The following SNIP1 variants were observed in gnomAD, a reference collection of about 807,000 sequenced individuals.
SNIP1 encodes the protein Smad nuclear interacting protein 1.
Under a neutral mutation model 37.4 loss-of-function variants are expected in SNIP1, and 23 were observed. The ratio of observed to expected loss-of-function variants is 0.61; its 90% CI spans 0.44 to 0.87. The LOEUF (loss-of-function observed/expected upper bound fraction) is 0.87. Among genes scored for constraint, SNIP1 ranks in the 40% least tolerant of loss-of-function variants. SNIP1 has a pLI of 0.00. For missense variants in SNIP1, 459 were observed against 540.4 expected (o/e 0.85, Z 1.49); for synonymous variants, 174 against 200.0 (o/e 0.87, Z 1.10).
chr1:37,546,376 TATA>T (rs1175585114), intron 2 of SNIP1, among the ~76,000 whole-genome samples: 1 of 152,160 alleles, frequency 6.6e-6, no homozygotes, highest in Non-Finnish European at 1.5e-5. Flanking sequence ...TAAGAGTCAT[TATA>T]ATAAGCCATA....
At chr1:37,541,066 A>G in intron 2 of SNIP1, 1 of 247,124 alleles carries the variant, frequency 4.0e-6, no homozygotes, top group Non-Finnish European at 7.8e-6. Flanking sequence ...TTCAGAACAA[A>G]GGTAACTATG....
Position 37,540,537 on chromosome 1 carries a change from A to G in SNIP1, c.546T>C (p.Tyr182=), listed in dbSNP as rs1204354779. The change falls in exon 3 of 4, where the codon TAT becomes TAC. Residue 182 remains tyrosine, a synonymous_variant. Coordinates refer to ENST00000296215, the MANE Select transcript of SNIP1 (RefSeq NM_024700.4). This position sits in a 1 kb window ranked among gnomAD's most constrained non-coding sequence, Gnocchi z 5.6. ...LQAQEEEREF[Y]NARRREHRQR... ...GGCGATGCTCCCGTCGCCTGGCATT[A>G]TAAAACTCCCGCTCTTCTTCCTGAG... 1.4e-5 allele frequency: 22 copies of G among 1,614,000 alleles called. No homozygotes were observed. The highest frequency in any genetic ancestry group is 1.7e-5 in the Non-Finnish European group (20 of 1,180,036).
At chr1:37,546,713 T>A (rs987196970) in intron 2 of SNIP1, among the ~76,000 whole-genome samples, 5 of 152,092 alleles carry the variant, frequency 3.3e-5, no homozygotes, top group Admixed American at 6.6e-5. Context: ...GTATTGTTTT[T>A]AAAAATTCAG....
chr1:37,548,921 A>G (rs909164096), intron 2 of SNIP1: 1 of 152,458 alleles, frequency 6.6e-6, no homozygotes, highest in Non-Finnish European at 1.5e-5. Flanking sequence ...CTGTAAGTCC[A>G]TTAAACCTCT....
intron 3 of SNIP1, among the ~76,000 whole-genome samples, chr1:37,538,393 C>T (rs529003074): frequency 2.7e-5 from 4 of 150,904 alleles, no homozygotes; most frequent in Admixed American, 6.7e-5. Context: ...CCTGTGGAGC[C>T]AGCTACTTGG....
At chr1:37,549,154 A>G (rs1441893114) in intron 2 of SNIP1, among the ~76,000 whole-genome samples, 7 of 152,170 alleles carry the variant, frequency 4.6e-5, no homozygotes, top group African/African-American at 1.4e-4. Flanking sequence ...ATGAAGATAA[A>G]CACACAAAAA....
intron 2 of SNIP1, among the ~76,000 whole-genome samples, chr1:37,552,069 T>C (rs1035903955): frequency 6.6e-6 from 1 of 152,210 alleles, no homozygotes; most frequent in African/African-American, 2.4e-5. Flanking sequence ...TACTGAGAGA[T>C]GCAACCTGAA....
intron 2 of SNIP1, among the ~76,000 whole-genome samples, chr1:37,547,027 T>C (rs1403697656): frequency 6.6e-6 from 1 of 152,222 alleles, no homozygotes; most frequent in Non-Finnish European, 1.5e-5. Flanking sequence ...ATTCAGTCCT[T>C]TGTTGGTTGT....
intron 2 of SNIP1, chr1:37,545,441 T>G (rs1023384485): frequency 2.5e-5 from 3 of 120,938 alleles, no homozygotes; most frequent in Non-Finnish European, 4.7e-5. Flanking sequence ...TTCCTTCAAA[T>G]AAAGAAATTT....
rs1056361210 is a variant in SNIP1, at chr1:37,536,510, G to A, written c.*1238C>T. ...GACCTATGAACACAAGGTCCTCTAC[G>A]CTAGGAAAGCATTACTCTTTGAAAT... On this transcript the variant is annotated 3_prime_UTR_variant, in exon 4 of 4. Transcript: ENST00000296215. The A allele has an allele frequency of 2.0e-5, 3 of 152,402 alleles. No individual in the cohort carries two copies. The highest frequency in any genetic ancestry group is 4.4e-5 in the Non-Finnish European group (3 of 68,034). The allele number at this position is 152,402 out of a possible 1,614,324, so 9.4% of individuals were successfully genotyped here.
chr1:37,545,649 CATA>C (rs1243121160), intron 2 of SNIP1, among the ~76,000 whole-genome samples: 2 of 151,590 alleles, frequency 1.3e-5, no homozygotes, highest in African/African-American at 4.9e-5. Context: ...TTAAAAAATA[CATA>C]ATAATAATAA....
intron 1 of SNIP1, 115 bp downstream of exon 1, chr1:37,553,890 AG>A: frequency 9.6e-7 from 1 of 1,040,844 alleles, no homozygotes. Flanking sequence ...ACAGCCCCTC[AG>A]GATTAAGTCC....
Position 37,534,901 on chromosome 1 carries a change from TGAA to T in SNIP1, c.*2844_*2846del, listed in dbSNP as rs2148110026. 6.6e-6 allele frequency: 1 copy of T among 152,122 alleles called. No homozygotes were observed. The highest frequency in any genetic ancestry group is 2.4e-5 in the African/African-American group (1 of 41,490). 9.4% of individuals were successfully genotyped at this position (152,122 alleles called of 1,614,324 possible). On this transcript the variant is annotated 3_prime_UTR_variant, in exon 4 of 4. Transcript: ENST00000296215. Reference sequence around the variant, plus strand: ...GCCACCGTGGAGAAAAGATAGAGAATGAAGAAGTTCCAAATGGCTAAGATGAAC... The same window carrying T: ...GCCACCGTGGAGAAAAGATAGAGAATGAAGTTCCAAATGGCTAAGATGAAC...
chr1:37,537,709 GA>G lies in SNIP1; in HGVS notation c.*38del. On this transcript the variant is annotated 3_prime_UTR_variant, in exon 4 of 4. Coordinates refer to ENST00000296215, the MANE Select transcript of SNIP1 (RefSeq NM_024700.4). Reference sequence around the variant, plus strand: ...CTCTGAGTCAATCAAAGACTTCCAAGAAGGAAACCGTGTATCAATAGTTTGG... The same window carrying G: ...CTCTGAGTCAATCAAAGACTTCCAAGAGGAAACCGTGTATCAATAGTTTGG... 6.3e-7 allele frequency: 1 copy of G among 1,586,930 alleles called. No homozygotes were observed. Among genetic ancestry groups the G allele is most frequent in the South Asian group, 1.2e-5 (1 of 85,068 alleles).
At chr1:37,552,622 T>C (rs1476731518) in intron 2 of SNIP1, 23 bp downstream of exon 2, 1 of 1,599,226 alleles carries the variant, frequency 6.3e-7, no homozygotes, top group African/African-American at 1.3e-5. Context: ...TTTGGACCCA[T>C]CAAAACACCC....
intron 2 of SNIP1, among the ~76,000 whole-genome samples, chr1:37,552,280 G>A (rs961610357): frequency 8.5e-5 from 13 of 152,268 alleles, no homozygotes; most frequent in African/African-American, 2.2e-4. Context: ...TATTCCTTGC[G>A]GTGAAGGAAA....
At chr1:37,542,363 T>C (rs189297838) in intron 2 of SNIP1, among the ~76,000 whole-genome samples, 3 of 152,352 alleles carry the variant, frequency 2.0e-5, no homozygotes, top group African/African-American at 7.2e-5. Flanking sequence ...TTCCATTTAA[T>C]ATTTTCAGAT....
At chr1:37,552,516 A>C in intron 2 of SNIP1, 129 bp downstream of exon 2, 3 of 719,014 alleles carry the variant, frequency 4.2e-6, no homozygotes, top group Non-Finnish European at 7.2e-6. Context: ...CATCGGAGGT[A>C]CAAGTAGAGA....
In SNIP1 at chr1:37,535,471, C is replaced by T. The variant is rs1643079610; in HGVS notation, c.*2277G>A. On this transcript the variant is annotated 3_prime_UTR_variant, in exon 4 of 4. Transcript: ENST00000296215. ...TTTCTTAATCCAGGACGTTATTCCT[C>T]TACTAAAATAAAAACTGACTAAACA... The T allele has an allele frequency of 6.6e-6, 1 of 151,822 alleles. No homozygotes were observed. The highest frequency in any genetic ancestry group is 1.5e-5 in the Non-Finnish European group (1 of 67,984). 9.4% of individuals were successfully genotyped at this position (151,822 alleles called of 1,614,324 possible). A position where few individuals can be genotyped will look rare whatever the true frequency, so the allele number is the denominator to read the frequency against.
Sources: gnomAD v4.1 joint callset for allele counts (sites outside exome capture counted in the v4.1 genomes callset) on GRCh38, gnomAD v4.1.1 for gene constraint, Gnocchi (gnomAD v3.1) non-coding constraint, MANE v1.5 for transcripts, NCBI Gene and HGNC (gene_info 2026-07-23, HGNC 2026-07-21) for gene names.